The following KLHL5 variants were observed in gnomAD, a reference collection of about 807,000 sequenced individuals.
KLHL5 encodes kelch-like protein 5.
Under a neutral mutation model 77.7 loss-of-function variants are expected in KLHL5, and 48 were observed. That is an observed-to-expected ratio of 0.62 (90% confidence interval 0.49 to 0.79). The LOEUF (loss-of-function observed/expected upper bound fraction) is 0.79. Among genes scored for constraint, KLHL5 ranks in the 30% least tolerant of loss-of-function variants. The pLI, the probability that KLHL5 is intolerant of heterozygous loss-of-function variation, is 0.00. For synonymous variants in KLHL5, 260 were observed against 297.0 expected, an observed-to-expected ratio of 0.88 and a Z score of 1.28; for missense variants, 723 against 859.7, an observed-to-expected ratio of 0.84 and a Z score of 1.99.
intron 1 of KLHL5, among the ~76,000 whole-genome samples, chr4:39,050,546 A>C (rs1716561589): frequency 6.6e-6 from 1 of 152,142 alleles, no homozygotes; most frequent in Non-Finnish European, 1.5e-5. Context: ...TGTTACATGG[A>C]TGTTTTAATC....
chr4:39,140,480 T>C, the KLHL5 span, among the ~76,000 whole-genome samples: 5 of 152,198 alleles, frequency 3.3e-5, no homozygotes, highest in Non-Finnish European at 5.9e-5. Flanking sequence ...TCTCAAACAG[T>C]TCAGGGGAAA....
upstream of KLHL5, among the ~76,000 whole-genome samples, chr4:39,057,407 A>C (rs1237040117): frequency 6.6e-6 from 1 of 152,220 alleles, no homozygotes; most frequent in Non-Finnish European, 1.5e-5. Context: ...ATGGAGAAGC[A>C]GTACAGAATA....
At chr4:39,050,217 T>C (rs1716531957) in intron 1 of KLHL5, among the ~76,000 whole-genome samples, 1 of 152,098 alleles carries the variant, frequency 6.6e-6, no homozygotes, top group South Asian at 2.1e-4. Flanking sequence ...TAGTGAAAAA[T>C]ACTAAATATA....
At chr4:39,135,473 C>CT in the KLHL5 span, 4 of 152,438 alleles carry the variant, frequency 2.6e-5, no homozygotes, top group African/African-American at 9.6e-5. Flanking sequence ...TGCCTCTCCC[C>CT]TTCCTTCTGC....
chr4:39,049,251 G>A (rs1333197061), intron 1 of KLHL5, among the ~76,000 whole-genome samples: 1 of 152,216 alleles, frequency 6.6e-6, no homozygotes, highest in African/African-American at 2.4e-5. Flanking sequence ...ACAGAATTAT[G>A]CTAATGAGAA....
At chr4:39,091,855 T>TTTTG (rs1560426683) in intron 5 of KLHL5, among the ~76,000 whole-genome samples, 5 of 143,902 alleles carry the variant, frequency 3.5e-5, no homozygotes, top group Non-Finnish European at 7.6e-5. Flanking sequence ...TTTTTTTTTT[T>TTTTG]TTTTTTTTTT....
At chr4:39,056,951 C>G (rs1717049416) in intron 1 of KLHL5, among the ~76,000 whole-genome samples, 1 of 152,170 alleles carries the variant, frequency 6.6e-6, no homozygotes, top group Non-Finnish European at 1.5e-5. Flanking sequence ...TGAGCTGTGC[C>G]TCTCACATGG....
At chr4:39,120,956 T>C in intron 10 of KLHL5, 54 bp from the exon 11 acceptor site, 1 of 1,295,236 alleles carries the variant, frequency 7.7e-7, no homozygotes, top group Admixed American at 1.7e-5. Flanking sequence ...ACTGGCATAG[T>C]AGTGTTGACA....
intron 5 of KLHL5, among the ~76,000 whole-genome samples, chr4:39,087,481 G>A (rs1480071085): frequency 6.6e-6 from 1 of 152,180 alleles, no homozygotes; most frequent in Non-Finnish European, 1.5e-5. Context: ...ACACAGCTGA[G>A]TTTCTTCATC....
intron 6 of KLHL5, among the ~76,000 whole-genome samples, chr4:39,099,973 T>C (rs967742443): frequency 6.6e-6 from 1 of 152,156 alleles, no homozygotes; most frequent in Non-Finnish European, 1.5e-5. Flanking sequence ...GCACTCTTCT[T>C]CTCCCTCTTT....
At chr4:39,054,687 A>G (rs764424010) in intron 1 of KLHL5, among the ~76,000 whole-genome samples, 1 of 152,214 alleles carries the variant, frequency 6.6e-6, no homozygotes, top group Non-Finnish European at 1.5e-5. Context: ...TTAGGCTACC[A>G]TTAATAAGTG....
In KLHL5 at chr4:39,076,118, C is replaced by A; in HGVS notation, c.537C>A (p.Val179=). Residue 179 remains valine, a synonymous_variant, in exon 2 of 11, where the codon GTC becomes GTA. Transcript: ENST00000504108. ...RHKQLCDVIL[V]AGDRRIPAHR... ...AACAGTTGTGTGATGTAATTTTAGT[C>A]GCTGGTGATCGCAGAATTCCAGCTC... 1 of 1,604,018 alleles carries A rather than the reference C, an allele frequency of 6.2e-7. No individual in the cohort carries two copies.
chr4:39,065,400 G>C (rs904800866), intron 1 of KLHL5, among the ~76,000 whole-genome samples: 12 of 150,156 alleles, frequency 8.0e-5, no homozygotes, highest in Non-Finnish European at 1.6e-4. Flanking sequence ...CTGTTACCCA[G>C]GCTGGAGTGC....
chr4:39,062,802 G>T lies in KLHL5; in HGVS notation c.150G>T (p.Gly50=). 1 of 1,614,086 alleles carries T rather than the reference G, an allele frequency of 6.2e-7. No homozygotes were observed. The change falls in exon 1 of 11, where the codon GGG becomes GGT. Residue 50 remains glycine, a synonymous_variant. Coordinates refer to ENST00000504108, the MANE Select transcript of KLHL5 (RefSeq NM_015990.5). ...WNRGQTGANG[G]RKFLDPCSLQ... is the part of the protein sequence containing the mutation. ...GAGGACAGACTGGAGCAAACGGTGG[G>T]AGAAAGTTTTTAGATCCATGTAGCC...
chr4:39,128,859 A>G (rs13144374), downstream of KLHL5, among the ~76,000 whole-genome samples: 82,456 of 151,908 alleles, frequency 0.54, 22,690 homozygotes, highest in Admixed American at 0.6. Context: ...CCAGCTACTC[A>G]GGAGGCAGAG....
At chr4:39,045,315 C>T (rs1422657320) in intron 1 of KLHL5, among the ~76,000 whole-genome samples, 4 of 150,784 alleles carry the variant, frequency 2.7e-5, no homozygotes, top group Non-Finnish European at 5.9e-5. Flanking sequence ...AACCCCGGCC[C>T]GGCCTCCCCG....
intron 1 of KLHL5, among the ~76,000 whole-genome samples, chr4:39,068,014 A>T (rs1361977848): frequency 1.3e-5 from 2 of 151,866 alleles, no homozygotes; most frequent in Non-Finnish European, 2.9e-5. Context: ...CTTCTACCCC[A>T]TCTTACTGGT....
At position 39,113,030 on chromosome 4, in the gene KLHL5, G is replaced by A. The variant is rs1374606691; in HGVS notation, c.1699G>A (p.Val567Ile). Residue 567 changes from valine (V) to isoleucine (I), a missense_variant, in exon 9 of 11, where the codon GTT becomes ATT. This residue lies in a region of KLHL5 where 214 missense variants were observed against 237.4 expected (regional missense o/e 0.90). Transcript: ENST00000504108. ...VAVLSGKLYA[V>I]GGRDGSSCLK... is the part of the protein sequence containing the mutation. ...ATATTCTTTTTGCAGACTTTATGCA[G>A]TTGGTGGTCGTGATGGAAGTTCTTG... The A allele has an allele frequency of 6.2e-7, 1 of 1,612,972 alleles. No homozygotes were observed. Among genetic ancestry groups the A allele is most frequent in the African/African-American group, 1.3e-5 (1 of 74,884 alleles).
intron 8 of KLHL5, among the ~76,000 whole-genome samples, chr4:39,112,068 A>T (rs2109569966): frequency 6.6e-6 from 1 of 152,256 alleles, no homozygotes; most frequent in African/African-American, 2.4e-5. Flanking sequence ...CTTTTAAAAA[A>T]CTAGTAGAAA....
Sources: gnomAD v4.1 joint callset for allele counts (sites outside exome capture counted in the v4.1 genomes callset) on GRCh38, gnomAD v4.1.1 for gene constraint, gnomAD v4.1.1 regional missense constraint, MANE v1.5 for transcripts, NCBI Gene and HGNC (gene_info 2026-07-23, HGNC 2026-07-21) for gene names.